MUSK: variants seen among roughly 807,000 people sequenced by gnomAD.
MUSK encodes the protein muscle, skeletal receptor tyrosine-protein kinase.
In MUSK, 55 loss-of-function variants were observed where a neutral mutation model predicts 88.7. The ratio of observed to expected loss-of-function variants is 0.62; its 90% CI spans 0.50 to 0.78. The LOEUF (loss-of-function observed/expected upper bound fraction) is 0.78, where lower values mean the gene tolerates loss of function less well. Ranked by LOEUF, MUSK falls within the 30% of genes least tolerant of loss-of-function variation. The pLI is 0.00. For missense variants in MUSK, 1,015 were observed against 1,074.3 expected, an observed-to-expected ratio of 0.94 and a Z score of 0.77; for synonymous variants, 387 against 391.9, an observed-to-expected ratio of 0.99 and a Z score of 0.15.
rs1418064973 is a variant in MUSK at position 110,689,922 on chromosome 9, T to G, written c.358+2654T>G. The stretch of plus-strand genomic sequence containing the variant: ...ATAAATATACATAAAAATACATATT[T>G]AAATATAATATATAAATATATATTT... On this transcript the variant is annotated intron_variant, in intron 3 of 14. Transcript: ENST00000374448. Among the ~76,000 whole-genome samples the G allele has an allele frequency of 4.1e-5, 4 of 96,608 alleles. No individual in the cohort carries two copies. In the Admixed American group the frequency reaches 6.6e-4, roughly 16 times the overall value. 63.4% of individuals were successfully genotyped at this position (96,608 alleles called of 152,430 possible). A position where few individuals can be genotyped will look rare whatever the true frequency, so the allele number is the denominator to read the frequency against.
At chr9:110,728,631 G>A (rs543936387) in intron 5 of MUSK, 3 of 1,122,352 alleles carry the variant, frequency 2.7e-6, no homozygotes, top group Non-Finnish European at 4.0e-6. Context: ...TTCATGATGT[G>A]TTGTTTTGTT....
At chr9:110,716,170 C>T (rs1296219600) in intron 5 of MUSK, among the ~76,000 whole-genome samples, 2 of 149,902 alleles carry the variant, frequency 1.3e-5, no homozygotes, top group East Asian at 3.9e-4. Context: ...AAAATATTAG[C>T]TTGGTGCAAA....
intron 7 of MUSK, chr9:110,761,916 G>A: frequency 8.1e-6 from 8 of 985,312 alleles, no homozygotes; most frequent in Non-Finnish European, 9.6e-6. Flanking sequence ...GTAGCTAATG[G>A]AGGGAAATTC....
At chr9:110,779,058 C>G (rs1004916679) in intron 11 of MUSK, among the ~76,000 whole-genome samples, 16 of 149,722 alleles carry the variant, frequency 1.1e-4, no homozygotes, top group Admixed American at 2.0e-4. Flanking sequence ...GTCAGTGTCT[C>G]TGTGTGTGTG....
chr9:110,800,230 C>T (rs765439554), intron 14 of MUSK, 76 bp from the exon 15 acceptor site: 47 of 1,291,600 alleles, frequency 3.6e-5, no homozygotes, highest in Admixed American at 2.7e-4. Flanking sequence ...CTGACATGGT[C>T]GTTTGCTTTT....
intron 4 of MUSK, 51 bp from the exon 5 acceptor site, chr9:110,697,274 T>C: frequency 1.3e-6 from 2 of 1,595,308 alleles, no homozygotes; most frequent in Admixed American, 1.7e-5. Flanking sequence ...GGCAAATGTA[T>C]CCTTGATAGA....
At chr9:110,766,258 T>A (rs1277840908) in intron 8 of MUSK, among the ~76,000 whole-genome samples, 1 of 152,200 alleles carries the variant, frequency 6.6e-6, no homozygotes, top group Non-Finnish European at 1.5e-5. Flanking sequence ...GGGCAGAAGG[T>A]CTGTTTCTGA....
chr9:110,804,914 G>C lies in MUSK; in HGVS notation c.*3926G>C, dbSNP rs1185005804. On this transcript the variant is annotated 3_prime_UTR_variant, in exon 15 of 15. Transcript: ENST00000374448. Reference sequence around the variant, plus strand: ...GATAGATGATACATAGAGAGAGATAGATAGATAATTTAAACAAAAATAAGA... The same window carrying C: ...GATAGATGATACATAGAGAGAGATACATAGATAATTTAAACAAAAATAAGA... Among the ~76,000 whole-genome samples, 3 of 151,834 alleles carry C rather than the reference G, an allele frequency of 2.0e-5. No individual in the cohort carries two copies. The highest frequency in any genetic ancestry group is 6.6e-5 in the Admixed American group (1 of 15,256).
chr9:110,673,854 T>A (rs2075991593), intron 1 of MUSK, among the ~76,000 whole-genome samples: 1 of 152,196 alleles, frequency 6.6e-6, no homozygotes, highest in Non-Finnish European at 1.5e-5. Context: ...GAAGAAGTCA[T>A]CCATACTTCC....
chr9:110,765,043 T>G (rs1422252014), intron 8 of MUSK, among the ~76,000 whole-genome samples: 1 of 152,198 alleles, frequency 6.6e-6, no homozygotes, highest in Admixed American at 6.5e-5. Context: ...TTATTTTCAT[T>G]AATTTTTCTT....
chr9:110,755,326 A>G (rs539006118), intron 7 of MUSK, among the ~76,000 whole-genome samples: 1 of 152,326 alleles, frequency 6.6e-6, no homozygotes, highest in East Asian at 1.9e-4. Context: ...CTCTGGATCA[A>G]AAGTTTGTTT....
intron 5 of MUSK, among the ~76,000 whole-genome samples, chr9:110,733,483 A>G (rs2076989630): frequency 6.6e-6 from 1 of 152,088 alleles, no homozygotes; most frequent in South Asian, 2.1e-4. Flanking sequence ...CTACATCAAA[A>G]TAACCTCCTC....
chr9:110,771,392 C>T (rs1237831104), intron 9 of MUSK, among the ~76,000 whole-genome samples: 1 of 151,910 alleles, frequency 6.6e-6, no homozygotes, highest in Non-Finnish European at 1.5e-5. Flanking sequence ...GCCCAGCCCT[C>T]TTATGCTCAT....
chr9:110,751,898 T>C (rs544657395), intron 7 of MUSK, among the ~76,000 whole-genome samples: 13 of 152,290 alleles, frequency 8.5e-5, no homozygotes, highest in Non-Finnish European at 1.2e-4. Context: ...ATGAGAGTTG[T>C]TACTCGAAAA....
chr9:110,759,077 A>C (rs555155378), intron 7 of MUSK, among the ~76,000 whole-genome samples: 13 of 152,352 alleles, frequency 8.5e-5, no homozygotes, highest in African/African-American at 3.1e-4. Context: ...TCTTACTTCA[A>C]ACTATACTAC....
At chr9:110,705,626 G>A (rs2076588950) in intron 5 of MUSK, among the ~76,000 whole-genome samples, 1 of 152,226 alleles carries the variant, frequency 6.6e-6, no homozygotes, top group Non-Finnish European at 1.5e-5. Context: ...TCCACACTTT[G>A]TTGGGTGTTA....
chr9:110,679,930 CA>C (rs2076086180), intron 1 of MUSK, among the ~76,000 whole-genome samples: 1 of 152,044 alleles, frequency 6.6e-6, no homozygotes, highest in Non-Finnish European at 1.5e-5. Flanking sequence ...TTTTTAAACA[CA>C]AAAATTTGTG....
intron 7 of MUSK, among the ~76,000 whole-genome samples, chr9:110,761,395 C>A (rs941978685): frequency 6.6e-6 from 1 of 152,102 alleles, no homozygotes; most frequent in African/African-American, 2.4e-5. Context: ...AGATGCCATG[C>A]AGCTACCCAG....
At chr9:110,747,179 C>T (rs1301332633) in intron 6 of MUSK, among the ~76,000 whole-genome samples, 3 of 152,152 alleles carry the variant, frequency 2.0e-5, no homozygotes, top group Non-Finnish European at 4.4e-5. Context: ...GGTCAAGTTC[C>T]TGTGATCGGC....
Sources: gnomAD v4.1 joint callset for allele counts (sites outside exome capture counted in the v4.1 genomes callset) on GRCh38, gnomAD v4.1.1 for gene constraint, MANE v1.5 for transcripts, NCBI Gene and HGNC (gene_info 2026-07-23, HGNC 2026-07-21) for gene names.